Variants in FBXL2 observed in about 807,000 individuals in gnomAD.
FBXL2 encodes F-box and leucine rich repeat protein 2.
A neutral mutation model predicts 69.2 loss-of-function variants in FBXL2; 38 were observed. That is an observed-to-expected ratio of 0.55 (90% confidence interval 0.42 to 0.72). The LOEUF (loss-of-function observed/expected upper bound fraction) is 0.72. Among genes scored for constraint, FBXL2 ranks in the 30% least tolerant of loss-of-function variants. FBXL2 has a pLI of 0.00. For missense variants in FBXL2, 354 were observed against 520.3 expected, an observed-to-expected ratio of 0.68 and a Z score of 3.11; for synonymous variants, 192 against 201.3, an observed-to-expected ratio of 0.95 and a Z score of 0.39.
At chr3:33,393,261 G>A (rs1231115755) in intron 12 of FBXL2, 6 of 1,528,458 alleles carry the variant, frequency 3.9e-6, no homozygotes, top group Non-Finnish European at 5.3e-6. Context: ...ACAATTACAT[G>A]TATAAAAGTA....
chr3:33,305,359 G>A (rs2036621845), intron 2 of FBXL2, among the ~76,000 whole-genome samples: 1 of 151,702 alleles, frequency 6.6e-6, no homozygotes, highest in Admixed American at 6.6e-5. Context: ...TTCCAGGTTC[G>A]TTTGTTGAAT....
intron 12 of FBXL2, among the ~76,000 whole-genome samples, chr3:33,395,750 GAAAAAAAAAA>G (rs61654235): frequency 8.6e-5 from 6 of 69,778 alleles, no homozygotes; most frequent in African/African-American, 1.9e-4. Flanking sequence ...CAGGAAAATT[GAAAAAAAAAA>G]AAAAAAAAAA....
intron 2 of FBXL2, among the ~76,000 whole-genome samples, chr3:33,341,106 C>G (rs1314904174): frequency 1.3e-5 from 2 of 151,940 alleles, no homozygotes; most frequent in Admixed American, 1.3e-4. Context: ...CTTCTTATTA[C>G]AAAAGGAGAA....
chr3:33,281,395 T>C (rs2125667536), intron 1 of FBXL2, among the ~76,000 whole-genome samples: 1 of 152,344 alleles, frequency 6.6e-6, no homozygotes, highest in East Asian at 1.9e-4. Flanking sequence ...TATGGCTGCA[T>C]AGTATTCCAT....
At chr3:33,341,832 G>GAAAAA (rs56386082) in intron 2 of FBXL2, among the ~76,000 whole-genome samples, 1 of 58,524 alleles carries the variant, frequency 1.7e-5, no homozygotes, top group Non-Finnish European at 3.1e-5. Context: ...TCCGTCTCAG[G>GAAAAA]AAAAAAAAAA....
chr3:33,339,766 G>C (rs897408471), intron 2 of FBXL2, among the ~76,000 whole-genome samples: 7 of 152,132 alleles, frequency 4.6e-5, no homozygotes. Flanking sequence ...TAGTCTAACA[G>C]TTTCTTCCTA....
At chr3:33,394,976 T>G (rs2043918534) in intron 12 of FBXL2, among the ~76,000 whole-genome samples, 1 of 152,150 alleles carries the variant, frequency 6.6e-6, no homozygotes, top group African/African-American at 2.4e-5. Flanking sequence ...CCTGACCTTT[T>G]ACAGAAAAAG....
chr3:33,375,772 C>T (rs892510003), intron 10 of FBXL2, among the ~76,000 whole-genome samples: 8 of 152,158 alleles, frequency 5.3e-5, no homozygotes, highest in African/African-American at 1.9e-4. Context: ...GCTTCTCCTC[C>T]AGAACTGCTG....
chr3:33,399,232 G>A (rs2044127864), intron 12 of FBXL2, among the ~76,000 whole-genome samples: 1 of 152,146 alleles, frequency 6.6e-6, no homozygotes, highest in Non-Finnish European at 1.5e-5. Context: ...TTACTAGGTG[G>A]TCATGTTGGA....
chr3:33,302,941 T>A, intron 2 of FBXL2: 1 of 273,330 alleles, frequency 3.7e-6, no homozygotes, highest in Non-Finnish European at 7.6e-6. Flanking sequence ...GTGAAAATCA[T>A]TATGGTTTTT....
intron 2 of FBXL2, among the ~76,000 whole-genome samples, chr3:33,334,049 A>C (rs1381590583): frequency 6.6e-6 from 1 of 152,204 alleles, no homozygotes; most frequent in East Asian, 1.9e-4. Context: ...GCAGACACTA[A>C]CCTTAACTTC....
At chr3:33,341,520 A>G (rs929861355) in intron 2 of FBXL2, among the ~76,000 whole-genome samples, 1 of 152,014 alleles carries the variant, frequency 6.6e-6, no homozygotes, top group Non-Finnish European at 1.5e-5. Flanking sequence ...AATGGAGGGT[A>G]GTACTGTGAT....
At chr3:33,396,831 C>T (rs1161228192) in intron 12 of FBXL2, 2 of 676,764 alleles carry the variant, frequency 3.0e-6, no homozygotes, top group East Asian at 2.9e-5. Context: ...ACCAGTCTTA[C>T]AGTCTACCTC....
chr3:33,366,058 A>C (rs969620249), intron 5 of FBXL2, among the ~76,000 whole-genome samples: 1 of 152,208 alleles, frequency 6.6e-6, no homozygotes, highest in Non-Finnish European at 1.5e-5. Context: ...GTATAAAAAC[A>C]CTCACTTTAA....
chr3:33,397,271 A>G (rs2044037811), intron 12 of FBXL2: 3 of 579,034 alleles, frequency 5.2e-6, no homozygotes, highest in Non-Finnish European at 8.6e-6. Flanking sequence ...CATGAACAAT[A>G]TAAGAAGACA....
intron 9 of FBXL2, among the ~76,000 whole-genome samples, chr3:33,374,363 A>C (rs2042499485): frequency 6.6e-6 from 1 of 152,254 alleles, no homozygotes; most frequent in African/African-American, 2.4e-5. Context: ...AGGCAAGAGC[A>C]AGGTGGCATT....
chr3:33,365,282 G>GTT (rs11293564), intron 5 of FBXL2, among the ~76,000 whole-genome samples: 8 of 137,212 alleles, frequency 5.8e-5, no homozygotes, highest in Admixed American at 7.4e-5. Flanking sequence ...ATTTATTGGG[G>GTT]TTTTTTTTTT....
intron 2 of FBXL2, among the ~76,000 whole-genome samples, chr3:33,299,339 G>T (rs1337323670): frequency 6.6e-6 from 1 of 152,184 alleles, no homozygotes; most frequent in Non-Finnish European, 1.5e-5. Context: ...ACTGCGCCCG[G>T]CCGGAATCCT....
At chr3:33,376,486 A>T (rs2042649325) in intron 10 of FBXL2, among the ~76,000 whole-genome samples, 1 of 152,170 alleles carries the variant, frequency 6.6e-6, no homozygotes, top group Admixed American at 6.6e-5. Flanking sequence ...GGGTGATCAA[A>T]ACTGGCCAGA....
Sources: allele counts gnomAD v4.1 joint callset (sites outside exome capture counted in the v4.1 genomes callset), GRCh38; gene constraint gnomAD v4.1.1; transcripts MANE v1.5; gene names NCBI Gene and HGNC (gene_info 2026-07-23, HGNC 2026-07-21).